The following ICMT variants were observed in gnomAD, a reference collection of about 807,000 sequenced individuals.
The protein encoded by ICMT is protein-S-isoprenylcysteine O-methyltransferase.
ICMT carries 10 observed loss-of-function variants against 32.2 expected under a neutral mutation model. That is an observed-to-expected ratio of 0.31 (90% CI 0.19 to 0.53). The LOEUF (loss-of-function observed/expected upper bound fraction) is 0.53, where lower values mean the gene tolerates loss of function less well. Among genes scored for constraint, ICMT ranks in the 20% least tolerant of loss-of-function variants. The pLI, the probability that ICMT is intolerant of heterozygous loss-of-function variation, is 0.96. For synonymous variants in ICMT, 183 were observed against 158.2 expected, an observed-to-expected ratio of 1.16 and a Z score of -1.18; for missense variants, 265 against 356.9, an observed-to-expected ratio of 0.74 and a Z score of 2.07.
intron 4 of ICMT, among the ~76,000 whole-genome samples, chr1:6,226,529 A>C (rs1231852856): frequency 6.6e-6 from 1 of 152,028 alleles, no homozygotes; most frequent in African/African-American, 2.4e-5. Context: ...ATCTTCCCCA[A>C]CATACATTTT....
chr1:6,228,745 G>C (rs1433908109), intron 4 of ICMT, among the ~76,000 whole-genome samples: 2 of 152,124 alleles, frequency 1.3e-5, no homozygotes, highest in African/African-American at 2.4e-5. Context: ...GAAATATGCG[G>C]GTTGGATGCA....
chr1:6,228,490 G>A (rs1430051064), intron 4 of ICMT, among the ~76,000 whole-genome samples: 1 of 151,992 alleles, frequency 6.6e-6, no homozygotes, highest in African/African-American at 2.4e-5. Flanking sequence ...CTACAGATGC[G>A]TGCCACCACA....
chr1:6,234,088 GC>G (rs1353252721), intron 2 of ICMT, among the ~76,000 whole-genome samples: 2 of 152,158 alleles, frequency 1.3e-5, no homozygotes, highest in Admixed American at 6.5e-5. Context: ...GCTTGGCCAG[GC>G]TGGTCTTGAA....
Position 6,235,653 on chromosome 1 carries a change from CG to C in ICMT, c.195+63del, listed in dbSNP as rs922762863. Reference sequence around the variant, plus strand: ...GCGGGCCCGGGGAGAAAGGTGCCCACGCGCCGCGCCAAGCGGACCGCCGCCC... The same window carrying C: ...GCGGGCCCGGGGAGAAAGGTGCCCACCGCCGCGCCAAGCGGACCGCCGCCC... On this transcript the variant is annotated intron_variant, in intron 1 of 4. Coordinates refer to ENST00000343813, the MANE Select transcript of ICMT (RefSeq NM_012405.4). The C allele has an allele frequency of 5.2e-5, 55 of 1,067,568 alleles. No individual in the cohort carries two copies. The African/African-American group carries it at 8.8e-4, about 17-fold the overall frequency. 66.1% of individuals were successfully genotyped at this position (1,067,568 alleles called of 1,614,324 possible).
intron 3 of ICMT, 113 bp from the exon 4 acceptor site, chr1:6,232,232 T>C: frequency 1.4e-6 from 1 of 701,630 alleles, no homozygotes; most frequent in Non-Finnish European, 2.4e-6. Flanking sequence ...GAAAATGTGC[T>C]GCTGGGCAAT....
At chr1:6,232,536 G>A (rs1426520852) in intron 3 of ICMT, among the ~76,000 whole-genome samples, 1 of 152,152 alleles carries the variant, frequency 6.6e-6, no homozygotes, top group East Asian at 1.9e-4. Flanking sequence ...ATTTCAGAGT[G>A]CATTCCACAT....
chr1:6,233,830 G>A (rs12073932), intron 2 of ICMT, among the ~76,000 whole-genome samples, 187 bp from the exon 3 acceptor site: 11,803 of 152,088 alleles, frequency 0.078, 759 homozygotes, highest in African/African-American at 0.18. Flanking sequence ...TTTTTAAGGG[G>A]CTGTTTTTGT....
intron 2 of ICMT, 142 bp downstream of exon 2, chr1:6,234,744 G>T: frequency 2.9e-6 from 2 of 696,126 alleles, no homozygotes; most frequent in Non-Finnish European, 5.1e-6. Context: ...CAACTAGGGG[G>T]AAGCCAGGAG....
At chr1:6,228,604 A>G (rs1454710285) in intron 4 of ICMT, among the ~76,000 whole-genome samples, 2 of 151,864 alleles carry the variant, frequency 1.3e-5, no homozygotes, top group African/African-American at 4.8e-5. Flanking sequence ...AGCCTCCCAA[A>G]GTGCTGGGAT....
At chr1:6,228,182 ACT>A (rs1668674029) in intron 4 of ICMT, among the ~76,000 whole-genome samples, 1 of 152,118 alleles carries the variant, frequency 6.6e-6, no homozygotes, top group African/African-American at 2.4e-5. Context: ...ACAGGGTCTC[ACT>A]CTGTTGCCCA....
At position 6,235,912 on chromosome 1, in the gene ICMT, G is replaced by A; in HGVS notation, c.-1C>T. 1 of 1,104,164 alleles carries A rather than the reference G, an allele frequency of 9.1e-7. No individual in the cohort carries two copies. Among genetic ancestry groups the A allele is most frequent in the East Asian group, 5.2e-5 (1 of 19,112 alleles). 68.4% of individuals were successfully genotyped at this position (1,104,164 alleles called of 1,614,324 possible). A position where few individuals can be genotyped will look rare whatever the true frequency, so the allele number is the denominator to read the frequency against. On this transcript the variant is annotated 5_prime_UTR_variant, in exon 1 of 5. Transcript: ENST00000343813. ...GAGCCCGCGCCGCGCAGCCCGCCATGGCGCCGGGCGGCGGACTAGCGGGCG... is the reference window on the plus strand; with the variant it reads ...GAGCCCGCGCCGCGCAGCCCGCCATAGCGCCGGGCGGCGGACTAGCGGGCG...
intron 2 of ICMT, among the ~76,000 whole-genome samples, chr1:6,234,092 G>T (rs1294453535): frequency 1.3e-5 from 2 of 152,140 alleles, no homozygotes; most frequent in Admixed American, 6.5e-5. Context: ...GGCCAGGCTG[G>T]TCTTGAACTC....
At chr1:6,230,693 T>A (rs570664686) in intron 4 of ICMT, among the ~76,000 whole-genome samples, 1 of 147,210 alleles carries the variant, frequency 6.8e-6, no homozygotes, top group East Asian at 2.1e-4. Flanking sequence ...ATCAAGACCA[T>A]CCTGGCTAAC....
chr1:6,225,724 T>A (rs1028179221), intron 4 of ICMT, among the ~76,000 whole-genome samples: 2 of 152,112 alleles, frequency 1.3e-5, no homozygotes, highest in African/African-American at 4.8e-5. Flanking sequence ...GAAATGCCCC[T>A]TCCAGCAGAT....
chr1:6,234,769 G>T, intron 2 of ICMT, 117 bp downstream of exon 2: 1 of 787,372 alleles, frequency 1.3e-6, no homozygotes, highest in Non-Finnish European at 2.2e-6. Flanking sequence ...CGTTTCCAGA[G>T]AACCCTGAAC....
Position 6,222,454 on chromosome 1 carries a change from C to T in ICMT, c.*2626G>A, listed in dbSNP as rs1377405232. 1 of 152,138 alleles carries T rather than the reference C, an allele frequency of 6.6e-6. No homozygotes were observed. The highest frequency in any genetic ancestry group is 1.9e-4 in the East Asian group (1 of 5,188). The allele number at this position is 152,138 out of a possible 1,614,324, so 9.4% of individuals were successfully genotyped here. On this transcript the variant is annotated 3_prime_UTR_variant, in exon 5 of 5. Transcript: ENST00000343813. ...AGAAAATAAAAAAAATGGAGTTCAT[C>T]TTTTATCCCTAAGTAATTGCTGACT...
rs1185456119 is a variant in ICMT, at chr1:6,221,465, C to T, written c.*3615G>A. Reference sequence around the variant, plus strand: ...TGACAGAGAGGCCGAGGCCTTCTAACCTTGCCAAACCACTACAAAAGCAAA... The same window carrying T: ...TGACAGAGAGGCCGAGGCCTTCTAATCTTGCCAAACCACTACAAAAGCAAA... On this transcript the variant is annotated 3_prime_UTR_variant, in exon 5 of 5. Coordinates refer to ENST00000343813, the MANE Select transcript of ICMT (RefSeq NM_012405.4). The T allele has an allele frequency of 6.6e-6, 1 of 152,588 alleles. No individual in the cohort carries two copies. Among genetic ancestry groups the T allele is most frequent in the Non-Finnish European group, 1.5e-5 (1 of 68,064 alleles). The allele number at this position is 152,588 out of a possible 1,614,324, so 9.5% of individuals were successfully genotyped here. A position where few individuals can be genotyped will look rare whatever the true frequency, so the allele number is the denominator to read the frequency against.
chr1:6,229,853 A>T (rs1390039889), intron 4 of ICMT, among the ~76,000 whole-genome samples: 1 of 151,750 alleles, frequency 6.6e-6, no homozygotes, highest in African/African-American at 2.4e-5. Flanking sequence ...TCACACCTAT[A>T]ATCCTTACAC....
At position 6,224,785 on chromosome 1, in the gene ICMT, G is replaced by A. The variant is rs568265084; in HGVS notation, c.*295C>T. The A allele has an allele frequency of 3.1e-5, 10 of 325,406 alleles. No homozygotes were observed. The highest frequency in any genetic ancestry group is 8.6e-5 in the African/African-American group (4 of 46,612). The allele number at this position is 325,406 out of a possible 1,614,324, so 20.2% of individuals were successfully genotyped here. ...ACACTCTGGCCTCGGGGGCAGTGGCGTGTGGCCTCGGTCCTCCCCAGGTAA... is the reference window on the plus strand; with the variant it reads ...ACACTCTGGCCTCGGGGGCAGTGGCATGTGGCCTCGGTCCTCCCCAGGTAA... On this transcript the variant is annotated 3_prime_UTR_variant, in exon 5 of 5. Transcript: ENST00000343813.
Sources: allele counts gnomAD v4.1 joint callset (sites outside exome capture counted in the v4.1 genomes callset), GRCh38; gene constraint gnomAD v4.1.1; transcripts MANE v1.5; gene names NCBI Gene and HGNC (gene_info 2026-07-23, HGNC 2026-07-21).